The following PRR12 variants were observed in gnomAD, a reference collection of about 807,000 sequenced individuals.
PRR12 encodes proline rich 12, also known as proline-rich protein 12.
A neutral mutation model predicts 138.0 loss-of-function variants in PRR12; 12 were observed. The observed-to-expected ratio is 0.09, with a 90% CI of 0.06 to 0.14. The LOEUF (loss-of-function observed/expected upper bound fraction) is 0.14, where lower values mean the gene tolerates loss of function less well. PRR12 is among the 10% of genes least tolerant of loss of function. The pLI, the probability that PRR12 is intolerant of heterozygous loss-of-function variation, is 1.00. For synonymous variants in PRR12, 1,567 were observed against 1,291.7 expected (o/e 1.21, Z -4.57); for missense variants, 2,692 against 2,861.3 (o/e 0.94, Z 1.35).
intron 6 of PRR12, among the ~76,000 whole-genome samples, chr19:49,602,421 G>A (rs944994277): frequency 2.6e-5 from 4 of 152,262 alleles, no homozygotes; most frequent in South Asian, 2.1e-4. Flanking sequence ...GAATTGGGCC[G>A]GACGCGGCAG....
rs200319638 is a variant in PRR12 at position 49,615,928 on chromosome 19, C to T, written c.5206C>T (p.Arg1736Trp). 215 of 1,556,810 alleles carry T rather than the reference C, an allele frequency of 1.4e-4. 1 individual carries two copies. The South Asian group carries it at 2.0e-3, about 15-fold the overall frequency. The stretch of plus-strand genomic sequence containing the variant: ...TGCCCCCGAGAAGCCCTCCCTCCTG[C>T]GGCCTGTTGAGAAGGAAAAGGAGAA... The part of the protein sequence containing the change: ...PPAPEKPSLL[R>W]PVEKEKEKEK... The change falls in exon 9 of 14, where the codon CGG becomes TGG. Residue 1736 changes from arginine (R) to tryptophan (W), a missense_variant. Transcript: ENST00000418929.
intron 6 of PRR12, among the ~76,000 whole-genome samples, chr19:49,605,051 A>G (rs1568426708): frequency 6.6e-6 from 1 of 151,970 alleles, no homozygotes; most frequent in Non-Finnish European, 1.5e-5. Flanking sequence ...GGGTTTCACC[A>G]TGTTGGCCAG....
chr19:49,591,702 C>G lies in PRR12; in HGVS notation c.48C>G (p.Ala16=). Residue 16 remains alanine, a synonymous_variant, in exon 1 of 14, where the codon GCC becomes GCG. Coordinates refer to ENST00000418929, the MANE Select transcript of PRR12 (RefSeq NM_020719.3). ...CCGGCTTCGGGGACCCGCTCGGCGC[C>G]GGGGCGGGATGGAGTTACGAGAGGT... ...PSAGFGDPLG[A]GAGWSYERSA... is the part of the protein sequence containing the mutation. 6.7e-7 allele frequency: 1 copy of G among 1,494,412 alleles called. No homozygotes were observed. The highest frequency in any genetic ancestry group is 8.9e-7 in the Non-Finnish European group (1 of 1,122,496). 92.6% of individuals were successfully genotyped at this position (1,494,412 alleles called of 1,614,324 possible). A position where few individuals can be genotyped will look rare whatever the true frequency, so the allele number is the denominator to read the frequency against.
chr19:49,596,874 C>T lies in PRR12; in HGVS notation c.2539C>T (p.Pro847Ser), dbSNP rs563682131. ...GCCACCCCCGCCTCCACCACCCATG[C>T]CCCTGCAGCTCGAGGCCCACCTCCG... Reference protein sequence around the residue: ...PPPPPPPPPMPLQLEAHLRSH... With the variant: ...PPPPPPPPPMSLQLEAHLRSH... Residue 847 changes from proline to serine, a missense_variant, in exon 4 of 14, where the codon CCC (proline) becomes TCC (serine). This residue lies in a region of PRR12 where 840 missense variants were observed against 689.8 expected (regional missense o/e 1.22). Coordinates refer to ENST00000418929, the MANE Select transcript of PRR12 (RefSeq NM_020719.3). The surrounding 1 kb of genome is among the most constrained non-coding windows in gnomAD (Gnocchi z 5.6). 39 of 1,540,088 alleles carry T rather than the reference C, an allele frequency of 2.5e-5. No individual in the cohort carries two copies. The highest frequency in any genetic ancestry group is 1.9e-4 in the Middle Eastern group (1 of 5,238).
chr19:49,595,451 G>A lies in PRR12; in HGVS notation c.1116G>A (p.Gly372=), dbSNP rs754293602. The part of the protein sequence containing the change: ...ATGPEAAGGG[G]AGGGGGGYRP... The stretch of plus-strand genomic sequence containing the variant: ...GCCCTGAGGCAGCAGGGGGCGGTGG[G>A]GCTGGGGGTGGTGGTGGAGGTTACC... Residue 372 remains glycine (G), a synonymous_variant, in exon 4 of 14, where the codon GGG becomes GGA. Transcript: ENST00000418929. The A allele has an allele frequency of 1.3e-6, 2 of 1,548,628 alleles. No individual in the cohort carries two copies. The highest frequency in any genetic ancestry group is 2.0e-5 in the Admixed American group (1 of 51,054).
In PRR12 at chr19:49,596,885, C is replaced by T. The variant is rs1375881973; in HGVS notation, c.2550C>T (p.Leu850=). 1.3e-6 allele frequency: 2 copies of T among 1,558,902 alleles called. No homozygotes were observed. The highest frequency in any genetic ancestry group is 1.2e-5 in the South Asian group (1 of 86,058). ...CTCCACCACCCATGCCCCTGCAGCT[C>T]GAGGCCCACCTCCGCAGCCATGGCC... ...PPPPPPMPLQ[L]EAHLRSHGLE... Residue 850 remains leucine, a synonymous_variant, in exon 4 of 14, where the codon CTC becomes CTT. Coordinates refer to ENST00000418929, the MANE Select transcript of PRR12 (RefSeq NM_020719.3). This position sits in a 1 kb window ranked among gnomAD's most constrained non-coding sequence, Gnocchi z 5.6.
chr19:49,596,961 C>G lies in PRR12; in HGVS notation c.2626C>G (p.Pro876Ala), dbSNP rs1359555774. The change falls in exon 4 of 14, where the codon CCG (proline) becomes GCG (alanine). Residue 876 changes from proline to alanine, a missense_variant. Pro to Ala is a conservative substitution (Grantham distance 27). Coordinates refer to ENST00000418929, the MANE Select transcript of PRR12 (RefSeq NM_020719.3). This position sits in a 1 kb window ranked among gnomAD's most constrained non-coding sequence, Gnocchi z 5.6. ...PRLRPEESLD[P>A]PGAMQELLGA... ...CCTGCGACCCGAGGAGAGCCTGGAT[C>G]CGCCAGGCGCCATGCAGGAATTGCT... is the stretch of plus-strand genomic sequence containing the variant. 3 of 1,551,796 alleles carry G rather than the reference C, an allele frequency of 1.9e-6. No individual in the cohort carries two copies. Among genetic ancestry groups the G allele is most frequent in the Non-Finnish European group, 2.6e-6 (3 of 1,153,452 alleles).
chr19:49,624,212 A>G (rs1473471419), intron 11 of PRR12, among the ~76,000 whole-genome samples: 6 of 95,922 alleles, frequency 6.3e-5, no homozygotes, highest in Admixed American at 1.2e-4. Context: ...GGTTAGGATG[A>G]GACTGAGAAT....
At position 49,595,611 on chromosome 19, in the gene PRR12, G is replaced by T. The variant is rs772377166; in HGVS notation, c.1276G>T (p.Ala426Ser). Residue 426 changes from alanine to serine, a missense_variant, in exon 4 of 14, where the codon GCC becomes TCC. Around this residue, in one of 11 missense-constraint regions of PRR12, gnomAD observed 523 missense variants for 496.4 expected, o/e 1.05. Transcript: ENST00000418929. ...KCQSLGGPAA[A>S]YATGKASGAG... ...TCAGAGCCTGGGTGGGCCAGCAGCC[G>T]CCTATGCCACTGGGAAGGCCTCTGG... The T allele has an allele frequency of 2.5e-6, 4 of 1,605,566 alleles. No homozygotes were observed. The highest frequency in any genetic ancestry group is 1.3e-5 in the African/African-American group (1 of 74,738).
At position 49,601,494 on chromosome 19, in the gene PRR12, C is replaced by A. The variant is rs1307607815; in HGVS notation, c.4349C>A (p.Pro1450His). Residue 1450 changes from proline to histidine, a missense_variant, in exon 6 of 14, where the codon CCC (proline) becomes CAC (histidine). Transcript: ENST00000418929. ...CTGATGTCCCTGTCTCCCCCAGAGCCCCCGCTGCTGGAGGAGAAACCCCCA... is the reference window on the plus strand; with the variant it reads ...CTGATGTCCCTGTCTCCCCCAGAGCACCCGCTGCTGGAGGAGAAACCCCCA... ...PSANSNGTPE[P>H]PLLEEKPPPT... 2 of 1,495,240 alleles carry A rather than the reference C, an allele frequency of 1.3e-6. No individual in the cohort carries two copies. Among genetic ancestry groups the A allele is most frequent in the South Asian group, 2.5e-5 (2 of 80,752 alleles). 92.6% of individuals were successfully genotyped at this position (1,495,240 alleles called of 1,614,324 possible).
chr19:49,601,345 A>G, intron 5 of PRR12, 146 bp from the exon 6 acceptor site: 1 of 604,436 alleles, frequency 1.7e-6, no homozygotes, highest in Non-Finnish European at 3.0e-6. Context: ...GTCTCTGGAG[A>G]GACTCTGATA....
In PRR12 at chr19:49,595,546, C is replaced by T. The variant is rs1453622684; in HGVS notation, c.1211C>T (p.Thr404Ile). ...TATGGAGCAGCTGCCGGGGGTGCCA[C>T]CAGGCCCCCCCCACCCCGTTCGACC... ...GGYGAAAGGA[T>I]RPPPPRSTAT... is the part of the protein sequence containing the mutation. Residue 404 changes from threonine to isoleucine, a missense_variant, in exon 4 of 14, where the codon ACC (threonine) becomes ATC (isoleucine). Physicochemically the swap from Thr to Ile is moderately conservative, Grantham distance 89 (BLOSUM62 -1). This residue lies in a region of PRR12 where 523 missense variants were observed against 496.4 expected (regional missense o/e 1.05). Coordinates refer to ENST00000418929, the MANE Select transcript of PRR12 (RefSeq NM_020719.3). 1.9e-6 allele frequency: 3 copies of T among 1,582,878 alleles called. No homozygotes were observed. The highest frequency in any genetic ancestry group is 2.7e-5 in the African/African-American group (2 of 74,358).
At chr19:49,603,866 G>C (rs371927587) in intron 6 of PRR12, among the ~76,000 whole-genome samples, 1 of 151,722 alleles carries the variant, frequency 6.6e-6, no homozygotes, top group Non-Finnish European at 1.5e-5. Flanking sequence ...AGTCGCCCAG[G>C]CTGGAGTGCA....
intron 2 of PRR12, among the ~76,000 whole-genome samples, 199 bp downstream of exon 2, chr19:49,593,638 C>T (rs544747398): frequency 4.3e-4 from 66 of 152,258 alleles, no homozygotes; most frequent in African/African-American, 1.5e-3. Context: ...CCGCCCCTGC[C>T]TCGCCCCTCC....
intron 8 of PRR12, among the ~76,000 whole-genome samples, chr19:49,615,462 G>A (rs868049380): frequency 1.3e-5 from 2 of 150,550 alleles, no homozygotes; most frequent in Non-Finnish European, 3.0e-5. Context: ...GACCCAGAGA[G>A]GGAGGGGAAT....
rs533656706 is a variant in PRR12 at position 49,595,992 on chromosome 19, C to T, written c.1657C>T (p.Leu553=). 59 of 1,600,830 alleles carry T rather than the reference C, an allele frequency of 3.7e-5. No individual in the cohort carries two copies. Among genetic ancestry groups the T allele is most frequent in the South Asian group, 3.2e-4 (29 of 91,072 alleles). The change falls in exon 4 of 14, where the codon CTG becomes TTG. Residue 553 remains leucine, a synonymous_variant. Coordinates refer to ENST00000418929, the MANE Select transcript of PRR12 (RefSeq NM_020719.3). The part of the protein sequence containing the change: ...GHGGGWGPSS[L]GGGGEASPSH... ...TGGGGGTGGCTGGGGACCCAGCTCCCTGGGAGGCGGCGGTGAGGCCAGCCC... is the reference window on the plus strand; with the variant it reads ...TGGGGGTGGCTGGGGACCCAGCTCCTTGGGAGGCGGCGGTGAGGCCAGCCC...
In PRR12 at chr19:49,594,408, C is replaced by T. The variant is rs556711302; in HGVS notation, c.200-46C>T. Reference sequence around the variant, plus strand: ...TCTTCCCTTTCTCTCTTGACTGTATCCTACCCACCCCCACCTGGCTGACTA... The same window carrying T: ...TCTTCCCTTTCTCTCTTGACTGTATTCTACCCACCCCCACCTGGCTGACTA... On this transcript the variant is annotated intron_variant, in intron 2 of 13. Transcript: ENST00000418929. The surrounding 1 kb of genome is among the most constrained non-coding windows in gnomAD (Gnocchi z 5.6). The T allele has an allele frequency of 6.7e-6, 10 of 1,500,252 alleles. No homozygotes were observed. The Admixed American group carries it at 1.8e-4, about 27-fold the overall frequency. The allele number at this position is 1,500,252 out of a possible 1,614,324, so 92.9% of individuals were successfully genotyped here.
At chr19:49,593,841 C>T in intron 2 of PRR12, among the ~76,000 whole-genome samples, 1 of 152,162 alleles carries the variant, frequency 6.6e-6, no homozygotes, top group Admixed American at 6.5e-5. Flanking sequence ...CTGGCCCGCC[C>T]TGTTTTATCT....
Position 49,597,006 on chromosome 19 carries a change from C to T in PRR12, c.2671C>T (p.Pro891Ser), listed in dbSNP as rs2080775887. 6.4e-7 allele frequency: 1 copy of T among 1,557,018 alleles called. No homozygotes were observed. Among genetic ancestry groups the T allele is most frequent in the Non-Finnish European group, 8.7e-7 (1 of 1,153,680 alleles). The stretch of plus-strand genomic sequence containing the variant: ...ATTGCTCGGGGCTCTGGAGCCGCTG[C>T]CCCCGGCGCCTGGGGATACTGGCGT... The part of the protein sequence containing the change: ...QELLGALEPL[P>S]PAPGDTGVGP... Residue 891 changes from proline to serine, a missense_variant, in exon 4 of 14, where the codon CCC becomes TCC. Pro to Ser is a moderately conservative substitution (Grantham distance 74). Coordinates refer to ENST00000418929, the MANE Select transcript of PRR12 (RefSeq NM_020719.3). The surrounding 1 kb of genome is among the most constrained non-coding windows in gnomAD (Gnocchi z 6.3).
Sources: gnomAD v4.1 joint callset for allele counts (sites outside exome capture counted in the v4.1 genomes callset) on GRCh38, gnomAD v4.1.1 for gene constraint, gnomAD v4.1.1 regional missense constraint, Gnocchi (gnomAD v3.1) non-coding constraint, MANE v1.5 for transcripts, NCBI Gene and HGNC (gene_info 2026-07-23, HGNC 2026-07-21) for gene names.